Variants in SLC22A16 observed in about 807,000 individuals in gnomAD.
SLC22A16 encodes the protein solute carrier family 22 member 16.
A neutral mutation model predicts 52.9 loss-of-function variants in SLC22A16; 53 were observed. The ratio of observed to expected loss-of-function variants is 1.00; its 90% CI spans 0.80 to 1.26. The LOEUF (loss-of-function observed/expected upper bound fraction) is 1.26. SLC22A16 is among the 50% of genes most tolerant of loss of function. The pLI is 0.00. For missense variants in SLC22A16, 726 were observed against 704.0 expected (o/e 1.03, Z -0.35); for synonymous variants, 291 against 268.8 (o/e 1.08, Z -0.81).
intron 2 of SLC22A16, among the ~76,000 whole-genome samples, chr6:110,452,469 C>T (rs1775422879): frequency 6.6e-6 from 1 of 152,076 alleles, no homozygotes; most frequent in Non-Finnish European, 1.5e-5. Flanking sequence ...CTATCCAGTA[C>T]AATGCTAAGT....
chr6:110,453,530 C>T (rs569402895), intron 2 of SLC22A16: 17 of 433,810 alleles, frequency 3.9e-5, no homozygotes, highest in East Asian at 2.1e-4. Flanking sequence ...TTACTTACTT[C>T]GTTAGCAAGC....
At chr6:110,439,325 A>G (rs1774871294) in intron 4 of SLC22A16, among the ~76,000 whole-genome samples, 1 of 152,144 alleles carries the variant, frequency 6.6e-6, no homozygotes, top group South Asian at 2.1e-4. Flanking sequence ...AAAGTAAAAA[A>G]CTATGTCATG....
chr6:110,425,487 ACTGTCTTAGT>A, intron 7 of SLC22A16: 1 of 1,100,340 alleles, frequency 9.1e-7, no homozygotes, highest in Non-Finnish European at 1.2e-6. Context: ...CCAAGCAGGG[ACTGTCTTAGT>A]CAACCCTGTC....
chr6:110,457,255 C>T (rs1009159864), intron 1 of SLC22A16, among the ~76,000 whole-genome samples: 6 of 152,112 alleles, frequency 3.9e-5, no homozygotes, highest in Non-Finnish European at 8.8e-5. Context: ...CACCCATTGC[C>T]CAGATCTTAG....
At chr6:110,463,176 T>C (rs926322523) in intron 1 of SLC22A16, among the ~76,000 whole-genome samples, 10 of 151,904 alleles carry the variant, frequency 6.6e-5, no homozygotes, top group African/African-American at 2.4e-4. Flanking sequence ...AAATCACACA[T>C]AAGTAGAAAG....
At chr6:110,447,710 T>G (rs557024560) in intron 2 of SLC22A16, among the ~76,000 whole-genome samples, 1 of 152,322 alleles carries the variant, frequency 6.6e-6, no homozygotes, top group Non-Finnish European at 1.5e-5. Context: ...ACCTTCTGTC[T>G]CCATAGATTT....
intron 1 of SLC22A16, among the ~76,000 whole-genome samples, chr6:110,465,614 C>T (rs1020582857): frequency 6.6e-6 from 1 of 152,012 alleles, no homozygotes; most frequent in East Asian, 1.9e-4. Flanking sequence ...AGGAGAACTA[C>T]AAAACACTAA....
At chr6:110,457,841 G>A (rs748597573) in intron 1 of SLC22A16, among the ~76,000 whole-genome samples, 9 of 152,116 alleles carry the variant, frequency 5.9e-5, no homozygotes, top group Non-Finnish European at 7.4e-5. Context: ...TAGCAGTAGC[G>A]TCAGTGCCAA....
At chr6:110,458,771 T>C (rs993933147) in intron 1 of SLC22A16, among the ~76,000 whole-genome samples, 34 of 152,176 alleles carry the variant, frequency 2.2e-4, no homozygotes, top group Admixed American at 8.5e-4. Context: ...GCAAATTTAT[T>C]CTCTGCATGA....
At chr6:110,476,283 C>A in intron 1 of SLC22A16, 1 of 1,280,638 alleles carries the variant, frequency 7.8e-7, no homozygotes, top group Non-Finnish European at 1.0e-6. Context: ...CGGCAACAGG[C>A]GCACTCCGAG....
intron 2 of SLC22A16, among the ~76,000 whole-genome samples, chr6:110,450,727 G>C (rs1042308854): frequency 6.9e-6 from 1 of 144,020 alleles, no homozygotes; most frequent in Non-Finnish European, 1.5e-5. Flanking sequence ...TTATTTCTTT[G>C]CTTTTTTTAT....
At chr6:110,449,022 G>A (rs1399132773) in intron 2 of SLC22A16, among the ~76,000 whole-genome samples, 19 of 151,920 alleles carry the variant, frequency 1.3e-4, no homozygotes, top group Admixed American at 1.2e-3. Context: ...TGCTCCTTTA[G>A]CCACGTTGCA....
At chr6:110,447,094 T>C in intron 2 of SLC22A16, 104 bp from the exon 3 acceptor site, 1 of 825,996 alleles carries the variant, frequency 1.2e-6, no homozygotes, top group African/African-American at 1.7e-5. Flanking sequence ...ATACCTTGAA[T>C]AGCTTATGTA....
At chr6:110,472,913 C>G (rs1776308849) in intron 1 of SLC22A16, among the ~76,000 whole-genome samples, 2 of 152,208 alleles carry the variant, frequency 1.3e-5, no homozygotes, top group South Asian at 2.1e-4. Context: ...TGCTTTCAGT[C>G]CTAGATTATA....
intron 4 of SLC22A16, 65 bp from the exon 5 acceptor site, chr6:110,438,912 T>C: frequency 1.3e-6 from 2 of 1,590,880 alleles, no homozygotes; most frequent in African/African-American, 1.3e-5. Context: ...ACCCCCGTCT[T>C]CTAACCCACT....
At chr6:110,473,989 G>A (rs1776369065) in intron 1 of SLC22A16, among the ~76,000 whole-genome samples, 1 of 152,138 alleles carries the variant, frequency 6.6e-6, no homozygotes, top group African/African-American at 2.4e-5. Context: ...ACAGCAGGAG[G>A]TGAGCAGCGG....
At position 110,442,350 on chromosome 6, in the gene SLC22A16, T is replaced by A. The variant is rs1281682053; in HGVS notation, c.1077A>T (p.Thr359=). ...TGAACCAGATTAGCCAAACGGTAAG[T>A]GTCCTTTTCGTAATGCTCCAGTTAT... ...LFYNWSITKR[T]LTVWLIWFTG... is the part of the protein sequence containing the mutation. The change falls in exon 4 of 8, where the codon ACA becomes ACT. Residue 359 remains threonine, a synonymous_variant. Coordinates refer to ENST00000368919, the MANE Select transcript of SLC22A16 (RefSeq NM_033125.4). 1 of 1,614,070 alleles carries A rather than the reference T, an allele frequency of 6.2e-7. No homozygotes were observed. Among genetic ancestry groups the A allele is most frequent in the Non-Finnish European group, 8.5e-7 (1 of 1,180,036 alleles).
At chr6:110,458,296 T>C (rs1226553265) in intron 1 of SLC22A16, among the ~76,000 whole-genome samples, 1 of 152,116 alleles carries the variant, frequency 6.6e-6, no homozygotes, top group Admixed American at 6.5e-5. Context: ...TAAATAACAG[T>C]GCAGCCTGAC....
chr6:110,459,571 C>T (rs1256464512), intron 1 of SLC22A16, among the ~76,000 whole-genome samples: 3 of 152,308 alleles, frequency 2.0e-5, no homozygotes, highest in Non-Finnish European at 4.4e-5. Context: ...GTGTGGTGCT[C>T]TGGGACTGGA....
Sources: allele counts gnomAD v4.1 joint callset (sites outside exome capture counted in the v4.1 genomes callset), GRCh38; gene constraint gnomAD v4.1.1; transcripts MANE v1.5; gene names NCBI Gene and HGNC (gene_info 2026-07-23, HGNC 2026-07-21).